The following USP9X variants were observed in gnomAD, a reference collection of about 807,000 sequenced individuals.
The protein encoded by USP9X is ubiquitin carboxyl-terminal hydrolase 9X.
A neutral mutation model predicts 190.3 loss-of-function variants in USP9X; 7 were observed. The observed-to-expected ratio is 0.04, with a 90% CI of 0.02 to 0.07. The LOEUF is 0.07. Among genes scored for constraint, USP9X ranks in the 10% least tolerant of loss-of-function variants. The pLI is 1.00. For missense variants in USP9X, 1,010 were observed against 1,916.9 expected (o/e 0.53, Z 8.83); for synonymous variants, 645 against 659.5 (o/e 0.98, Z 0.34).
chrX:41,143,428 T>C lies in USP9X; in HGVS notation c.1299T>C (p.Asn433=). The change falls in exon 10 of 45, where the codon AAT becomes AAC. Residue 433 remains asparagine (N), a synonymous_variant. Coordinates refer to ENST00000378308, the MANE Select transcript of USP9X (RefSeq NM_001039591.3). The part of the protein sequence containing the change: ...EKALTLQDLD[N]IWAAQAGKHE... ...CTCTGACCTTACAGGATCTTGATAATATCTGGGCAGCACAGGTAAGGAATT... is the reference window on the plus strand; with the variant it reads ...CTCTGACCTTACAGGATCTTGATAACATCTGGGCAGCACAGGTAAGGAATT... 8.3e-7 allele frequency: 1 copy of C among 1,199,964 alleles called. No individual in the cohort carries two copies. The highest frequency in any genetic ancestry group is 1.1e-6 in the Non-Finnish European group (1 of 890,438).
intron 44 of USP9X, among the ~76,000 whole-genome samples, chrX:41,230,999 A>G (rs1251468779): frequency 8.9e-6 from 1 of 112,169 alleles, no homozygotes; most frequent in African/African-American, 3.2e-5. Context: ...CACAGGTTTC[A>G]GTGATGGTAA....
At chrX:41,205,198 A>G in intron 31 of USP9X, 105 bp from the exon 32 acceptor site, 3 of 608,778 alleles carry the variant, frequency 4.9e-6, no homozygotes, top group South Asian at 8.7e-5. Flanking sequence ...TGCTTTGGAA[A>G]TGAGCATAAT....
At chrX:41,227,200 G>A (rs1465676616) in intron 41 of USP9X, among the ~76,000 whole-genome samples, 2 of 112,142 alleles carry the variant, frequency 1.8e-5, no homozygotes, top group African/African-American at 6.5e-5. Flanking sequence ...TTTATAGAGT[G>A]TCTACCATGT....
rs773041586 is a variant in USP9X at position 41,141,231 on chromosome X, C to T, written c.1022+14C>T. 3.4e-6 allele frequency: 4 copies of T among 1,191,269 alleles called. No individual in the cohort carries two copies. Among genetic ancestry groups the T allele is most frequent in the Non-Finnish European group, 4.5e-6 (4 of 886,289 alleles). Reference sequence around the variant, plus strand: ...AATGATACTTAGGTAAGATACTTACCTCTTGAAATAATTGTTAATGCCGAT... The same window carrying T: ...AATGATACTTAGGTAAGATACTTACTTCTTGAAATAATTGTTAATGCCGAT... On this transcript the variant is annotated intron_variant, in intron 8 of 44. Coordinates refer to ENST00000378308, the MANE Select transcript of USP9X (RefSeq NM_001039591.3).
At chrX:41,167,193 T>C (rs2062685351) in intron 16 of USP9X, 1 of 189,531 alleles carries the variant, frequency 5.3e-6, no homozygotes, top group Admixed American at 8.2e-5. Context: ...GTGTCTCACT[T>C]GGTTATCAAG....
chrX:41,235,322 AT>A lies in USP9X; in HGVS notation c.*2802del, dbSNP rs1383472209. The A allele has an allele frequency of 6.2e-5, 7 of 113,159 alleles. No homozygotes were observed. Among genetic ancestry groups the A allele is most frequent in the Non-Finnish European group, 1.3e-4 (7 of 53,399 alleles). The allele number at this position is 113,159 out of a possible 1,213,427, so 9.3% of individuals were successfully genotyped here. A position where few individuals can be genotyped will look rare whatever the true frequency, so the allele number is the denominator to read the frequency against. On this transcript the variant is annotated 3_prime_UTR_variant, in exon 45 of 45. Coordinates refer to ENST00000378308, the MANE Select transcript of USP9X (RefSeq NM_001039591.3). ...TTGTTGCAAGAGCAACATAATGGTGATTTTGAGGTCTTTTTCTGAACACAAG... is the reference window on the plus strand; with the variant it reads ...TTGTTGCAAGAGCAACATAATGGTGATTTGAGGTCTTTTTCTGAACACAAG...
At chrX:41,205,252 C>G in intron 31 of USP9X, 51 bp from the exon 32 acceptor site, 9 of 962,619 alleles carry the variant, frequency 9.3e-6, no homozygotes, top group Non-Finnish European at 1.3e-5. Flanking sequence ...GCATTTGTCT[C>G]AACGTATTTT....
chrX:41,148,247 C>G (rs937126444), intron 11 of USP9X, 122 bp from the exon 12 acceptor site: 1 of 714,723 alleles, frequency 1.4e-6, no homozygotes. Context: ...TCAGATCTCA[C>G]TTGAATCATT....
At chrX:41,206,650 T>C (rs2063099155) in intron 32 of USP9X, among the ~76,000 whole-genome samples, 1 of 111,671 alleles carries the variant, frequency 9.0e-6, no homozygotes, top group African/African-American at 3.2e-5. Context: ...TATTTTTCTT[T>C]TTGTGGAATG....
intron 14 of USP9X, among the ~76,000 whole-genome samples, chrX:41,157,313 C>T (rs907613253): frequency 9.0e-6 from 1 of 111,248 alleles, no homozygotes; most frequent in African/African-American, 3.3e-5. Flanking sequence ...GAGCATAGGA[C>T]AAAAACATAA....
At chrX:41,171,588 T>C (rs2062726126) in intron 20 of USP9X, 2 of 372,555 alleles carry the variant, frequency 5.4e-6, no homozygotes, top group Admixed American at 7.3e-5. Context: ...ATTGTATATA[T>C]GAGAGAAATG....
At chrX:41,122,097 G>A (rs1365076722) in intron 1 of USP9X, among the ~76,000 whole-genome samples, 1 of 110,052 alleles carries the variant, frequency 9.1e-6, no homozygotes, top group Non-Finnish European at 1.9e-5. Context: ...TTTTTGGGGG[G>A]TTTTCAGGGT....
intron 6 of USP9X, among the ~76,000 whole-genome samples, chrX:41,140,452 G>A: frequency 8.9e-6 from 1 of 111,920 alleles, no homozygotes; most frequent in Non-Finnish European, 1.9e-5. Flanking sequence ...CTATGCCCCA[G>A]TGATTTAATC....
chrX:41,195,962 T>C, intron 26 of USP9X: 1 of 438,191 alleles, frequency 2.3e-6, no homozygotes, highest in Admixed American at 2.8e-5. Context: ...ATTTGGTATA[T>C]AGAGGAACAT....
rs1391517816 is a variant in USP9X, at chrX:41,144,850, C to G, written c.1419+224C>G. On this transcript the variant is annotated intron_variant, in intron 11 of 44. Transcript: ENST00000378308. The stretch of plus-strand genomic sequence containing the variant: ...TCAGGCTATCACTTTTTCTTTCTTT[C>G]CCCTGGTAGTTTCTATTTTAGTTAC... Among the ~76,000 whole-genome samples, 3 of 110,990 alleles carry G rather than the reference C, an allele frequency of 2.7e-5. No individual in the cohort carries two copies. In the Admixed American group the frequency reaches 2.9e-4, roughly 11 times the overall value.
chrX:41,118,204 C>T (rs970399814), intron 1 of USP9X, among the ~76,000 whole-genome samples: 2 of 111,419 alleles, frequency 1.8e-5, no homozygotes, highest in African/African-American at 6.5e-5. Context: ...TAAGTACATT[C>T]ACATTGTGGG....
intron 38 of USP9X, among the ~76,000 whole-genome samples, chrX:41,222,920 A>T (rs1032201802): frequency 4.5e-5 from 5 of 111,625 alleles, no homozygotes; most frequent in Admixed American, 2.9e-4. Context: ...AAAAAGAAAG[A>T]AAGTGTTCAT....
chrX:41,195,046 C>CTTTTTTTT (rs931341447), intron 26 of USP9X, among the ~76,000 whole-genome samples: 2 of 104,684 alleles, frequency 1.9e-5, no homozygotes, highest in East Asian at 3.1e-4. Flanking sequence ...TTTTTTCTTT[C>CTTTTTTTT]TTTTTTTTGG....
intron 15 of USP9X, among the ~76,000 whole-genome samples, chrX:41,163,452 T>C (rs1372653829): frequency 9.0e-6 from 1 of 111,591 alleles, no homozygotes; most frequent in Non-Finnish European, 1.9e-5. Flanking sequence ...GCAAAGTGCC[T>C]TTGTTAAAAA....
Sources: allele counts gnomAD v4.1 joint callset (sites outside exome capture counted in the v4.1 genomes callset), GRCh38; gene constraint gnomAD v4.1.1; transcripts MANE v1.5; gene names NCBI Gene and HGNC (gene_info 2026-07-23, HGNC 2026-07-21).